NOL4L: variants seen among roughly 807,000 people sequenced by gnomAD.
NOL4L encodes nucleolar protein 4 like.
A neutral mutation model predicts 64.5 loss-of-function variants in NOL4L; 7 were observed. That is an observed-to-expected ratio of 0.11 (90% CI 0.06 to 0.20). NOL4L has a LOEUF of 0.20. Ranked by LOEUF, NOL4L falls within the 10% of genes least tolerant of loss-of-function variation. NOL4L has a pLI of 1.00. For missense variants in NOL4L, 680 were observed against 967.1 expected (o/e 0.70, Z 3.94); for synonymous variants, 413 against 401.0 (o/e 1.03, Z -0.36).
chr20:32,537,245 G>T, intron 1 of NOL4L: 1 of 413,516 alleles, frequency 2.4e-6, no homozygotes, highest in Non-Finnish European at 3.3e-6. Flanking sequence ...GCGGGGTGTG[G>T]CCATTTGCCC....
At chr20:32,546,841 C>A (rs943197325) in intron 1 of NOL4L, among the ~76,000 whole-genome samples, 1 of 152,214 alleles carries the variant, frequency 6.6e-6, no homozygotes, top group Non-Finnish European at 1.5e-5. Flanking sequence ...CTCCTTGGGT[C>A]AGGAGCTCCC....
intron 1 of NOL4L, among the ~76,000 whole-genome samples, chr20:32,553,029 C>A (rs1288339752): frequency 6.6e-6 from 1 of 152,144 alleles, no homozygotes; most frequent in African/African-American, 2.4e-5. Context: ...CCTGAGGAAT[C>A]CTACTTTACA....
chr20:32,583,687 C>G (rs1372207586), intron 1 of NOL4L, among the ~76,000 whole-genome samples: 1 of 147,702 alleles, frequency 6.8e-6, no homozygotes, highest in Non-Finnish European at 1.5e-5. Context: ...CAATGAGGTC[C>G]CGGCGGGGGA....
Position 32,456,395 on chromosome 20 carries a change from T to C in NOL4L, c.842A>G (p.Asp281Gly). Residue 281 changes from aspartate to glycine, a missense_variant and splice_region_variant, in exon 6 of 11, where the codon GAT (aspartate) becomes GGT (glycine). Asp to Gly is a moderately conservative substitution (Grantham distance 94, BLOSUM62 -1). Transcript: ENST00000621426. ...GCTGCCACTCTCAGAGGAGGAGTCA[T>C]CTGGAATGAGAGGCCTGGGTGTGAG... ...SPQNLHSQED[D>G]DSSSESGSGN... The C allele has an allele frequency of 6.9e-7, 1 of 1,459,198 alleles. No homozygotes were observed. Among genetic ancestry groups the C allele is most frequent in the Non-Finnish European group, 9.1e-7 (1 of 1,102,594 alleles). The allele number at this position is 1,459,198 out of a possible 1,614,324, so 90.4% of individuals were successfully genotyped here.
chr20:32,484,013 G>A (rs189230822), intron 4 of NOL4L, among the ~76,000 whole-genome samples: 1 of 151,596 alleles, frequency 6.6e-6, no homozygotes, highest in Non-Finnish European at 1.5e-5. Flanking sequence ...CATCGCTCCC[G>A]GAGGCTGCGG....
chr20:32,496,796 G>A (rs1219718986), intron 4 of NOL4L, among the ~76,000 whole-genome samples: 3 of 151,928 alleles, frequency 2.0e-5, no homozygotes, highest in African/African-American at 4.8e-5. Flanking sequence ...TGATCCACCC[G>A]CCTCAGCCTC....
In NOL4L at chr20:32,465,868, G is replaced by C. The variant is rs1302099320; in HGVS notation, c.841+8733C>G. Among the ~76,000 whole-genome samples the C allele has an allele frequency of 2.0e-5, 3 of 152,228 alleles. No individual in the cohort carries two copies. The East Asian group carries it at 5.8e-4, about 29-fold the overall frequency. ...TCAGGAGGGCCTGTCCCTGACACAGGAGCCTGCAGGATGGAGCTCTGTATG... is the reference window on the plus strand; with the variant it reads ...TCAGGAGGGCCTGTCCCTGACACAGCAGCCTGCAGGATGGAGCTCTGTATG... On this transcript the variant is annotated intron_variant, in intron 5 of 10. Coordinates refer to ENST00000621426, the MANE Select transcript of NOL4L (RefSeq NM_001256798.2).
At chr20:32,578,678 C>A (rs1029970446) in intron 1 of NOL4L, among the ~76,000 whole-genome samples, 1 of 152,232 alleles carries the variant, frequency 6.6e-6, no homozygotes, top group Non-Finnish European at 1.5e-5. Context: ...ACAGCAGAGC[C>A]TTTTCCAGTT....
Position 32,453,027 on chromosome 20 carries a change from G to A in NOL4L, c.1498-21C>T, listed in dbSNP as rs760409272. The stretch of plus-strand genomic sequence containing the variant: ...CTGGTCTGCAGGCAGAACGGGGATG[G>A]AGCTAGCATGGGGCCCGTGGGGGCC... On this transcript the variant is annotated intron_variant, in intron 8 of 10. Transcript: ENST00000621426. The surrounding 1 kb of genome is among the most constrained non-coding windows in gnomAD (Gnocchi z 5.6). 1.9e-6 allele frequency: 3 copies of A among 1,611,786 alleles called. No individual in the cohort carries two copies. The highest frequency in any genetic ancestry group is 1.7e-5 in the Admixed American group (1 of 60,026).
intron 1 of NOL4L, among the ~76,000 whole-genome samples, chr20:32,575,002 C>T (rs371604758): frequency 3.3e-5 from 5 of 152,294 alleles, no homozygotes; most frequent in Admixed American, 2.0e-4. Flanking sequence ...GCCACTCAAC[C>T]GCTGGTCCGT....
At chr20:32,514,637 G>A (rs1326644895) in intron 3 of NOL4L, among the ~76,000 whole-genome samples, 1 of 151,882 alleles carries the variant, frequency 6.6e-6, no homozygotes, top group Non-Finnish European at 1.5e-5. Flanking sequence ...ACTCAAATGG[G>A]TTTCCACCCC....
intron 1 of NOL4L, among the ~76,000 whole-genome samples, chr20:32,572,226 C>T (rs925116459): frequency 6.6e-6 from 1 of 152,226 alleles, no homozygotes; most frequent in African/African-American, 2.4e-5. Context: ...CGTATCTGAG[C>T]CTCCGAATCT....
intron 3 of NOL4L, among the ~76,000 whole-genome samples, chr20:32,518,699 G>A (rs78929696): frequency 0.025 from 3,756 of 152,328 alleles, 160 homozygotes; most frequent in African/African-American, 0.086. Flanking sequence ...GGAACGGGAG[G>A]GGACAGGCGG....
intron 1 of NOL4L, among the ~76,000 whole-genome samples, chr20:32,530,497 C>T (rs1000072307): frequency 3.3e-5 from 5 of 151,500 alleles, no homozygotes; most frequent in African/African-American, 9.7e-5. Context: ...GCCGAGATCG[C>T]GCCACCGCAC....
In NOL4L at chr20:32,463,404, C is replaced by CT. The variant is rs1350317838; in HGVS notation, c.842-7010dup. On this transcript the variant is annotated intron_variant, in intron 5 of 10. Coordinates refer to ENST00000621426, the MANE Select transcript of NOL4L (RefSeq NM_001256798.2). The surrounding 1 kb of genome is among the most constrained non-coding windows in gnomAD (Gnocchi z 5.8). ...GGGTGGGCCTGCCCCCAGCCCATGGCTGCGTGGGCAGCAGAGACATGTCCT... is the reference window on the plus strand; with the variant it reads ...GGGTGGGCCTGCCCCCAGCCCATGGCTTGCGTGGGCAGCAGAGACATGTCCT... 1.3e-5 allele frequency among the ~76,000 whole-genome samples: 2 copies of CT among 152,222 alleles called. No individual in the cohort carries two copies. Among genetic ancestry groups the CT allele is most frequent in the African/African-American group, 2.4e-5 (1 of 41,460 alleles).
rs570893507 is a variant in NOL4L at position 32,463,104 on chromosome 20, T to C, written c.842-6709A>G. ...TTGCCGCTGACGCCCTCCTGGGCTCTGGCACTTTATGACTCTGTGAAGAAA... is the reference window on the plus strand; with the variant it reads ...TTGCCGCTGACGCCCTCCTGGGCTCCGGCACTTTATGACTCTGTGAAGAAA... On this transcript the variant is annotated intron_variant, in intron 5 of 10. Transcript: ENST00000621426. This position sits in a 1 kb window ranked among gnomAD's most constrained non-coding sequence, Gnocchi z 5.8. Among the ~76,000 whole-genome samples the C allele has an allele frequency of 4.6e-5, 7 of 152,156 alleles. No individual in the cohort carries two copies. The highest frequency in any genetic ancestry group is 1.7e-4 in the African/African-American group (7 of 41,518).
chr20:32,560,006 C>T (rs1156782525), intron 1 of NOL4L, among the ~76,000 whole-genome samples: 4 of 152,270 alleles, frequency 2.6e-5, no homozygotes, highest in African/African-American at 7.2e-5. Flanking sequence ...CCCCCTGGCA[C>T]TCGGGCTGCC....
chr20:32,576,563 T>A (rs1035983038), intron 1 of NOL4L, among the ~76,000 whole-genome samples: 1 of 151,898 alleles, frequency 6.6e-6, no homozygotes, highest in African/African-American at 2.4e-5. Context: ...CTTGAGTGAG[T>A]TCCCTCCACT....
intron 1 of NOL4L, among the ~76,000 whole-genome samples, chr20:32,541,007 C>CCACACACACA (rs2018644646): frequency 8.7e-5 from 5 of 57,474 alleles, no homozygotes; most frequent in South Asian, 7.2e-4. Flanking sequence ...TCGCCACCCC[C>CCACACACACA]TACACACACA....
Sources: gnomAD v4.1 joint callset for allele counts (sites outside exome capture counted in the v4.1 genomes callset) on GRCh38, gnomAD v4.1.1 for gene constraint, Gnocchi (gnomAD v3.1) non-coding constraint, MANE v1.5 for transcripts, NCBI Gene and HGNC (gene_info 2026-07-23, HGNC 2026-07-21) for gene names.